DCDC1: variants seen among roughly 807,000 people sequenced by gnomAD.
DCDC1 encodes the protein doublecortin domain containing 1.
In DCDC1, 200 loss-of-function variants were observed where a neutral mutation model predicts 178.3. The ratio of observed to expected loss-of-function variants is 1.12; its 90% CI spans 1.00 to 1.26. The LOEUF (loss-of-function observed/expected upper bound fraction) is 1.26. Among genes scored for constraint, DCDC1 ranks in the 50% most tolerant of loss-of-function variants. The pLI, the probability that DCDC1 is intolerant of heterozygous loss-of-function variation, is 0.00. For missense variants in DCDC1, 1,983 were observed against 1,749.2 expected, an observed-to-expected ratio of 1.13 and a Z score of -2.38; for synonymous variants, 690 against 604.8, an observed-to-expected ratio of 1.14 and a Z score of -2.07.
intron 21 of DCDC1, among the ~76,000 whole-genome samples, chr11:30,948,832 T>C (rs1948224752): frequency 6.6e-6 from 1 of 152,122 alleles, no homozygotes; most frequent in East Asian, 1.9e-4. Context: ...ACCCCTTCCT[T>C]ACACCATATA....
chr11:31,032,852 G>A (rs938833415), intron 20 of DCDC1, among the ~76,000 whole-genome samples: 2 of 152,158 alleles, frequency 1.3e-5, no homozygotes, highest in African/African-American at 2.4e-5. Flanking sequence ...CTGCTTGCAA[G>A]TACCTCGGGA....
chr11:31,363,017 T>C (rs1951788282), intron 1 of DCDC1, among the ~76,000 whole-genome samples: 1 of 152,296 alleles, frequency 6.6e-6, no homozygotes, highest in South Asian at 2.1e-4. Context: ...ATCTGATTTT[T>C]ACTTTCATAT....
intron 20 of DCDC1, among the ~76,000 whole-genome samples, chr11:31,026,427 G>A (rs908769012): frequency 1.4e-4 from 21 of 151,778 alleles, no homozygotes; most frequent in Middle Eastern, 3.4e-3. Context: ...GATATTGTGC[G>A]GCTTTTCAAG....
intron 20 of DCDC1, among the ~76,000 whole-genome samples, chr11:31,026,528 G>C (rs184139581): frequency 6.6e-6 from 1 of 151,898 alleles, no homozygotes; most frequent in African/African-American, 2.4e-5. Flanking sequence ...AAATTAATTT[G>C]TCTGTATGAG....
intron 11 of DCDC1, among the ~76,000 whole-genome samples, chr11:31,121,630 C>T (rs1316181578): frequency 4.0e-5 from 6 of 151,514 alleles, no homozygotes; most frequent in Admixed American, 4.0e-4. Context: ...ACACCATATA[C>T]AATATGAAAA....
At chr11:31,203,467 A>G (rs1370451937) in intron 9 of DCDC1, among the ~76,000 whole-genome samples, 2 of 152,218 alleles carry the variant, frequency 1.3e-5, no homozygotes, top group African/African-American at 4.8e-5. Flanking sequence ...AGACACCTAT[A>G]TAACGGCTGC....
intron 7 of DCDC1, among the ~76,000 whole-genome samples, chr11:31,272,013 T>C (rs1945594656): frequency 6.6e-6 from 1 of 151,904 alleles, no homozygotes; most frequent in African/African-American, 2.4e-5. Flanking sequence ...AATACAAAAA[T>C]TAGCTGGGTG....
rs12280868 is a variant in DCDC1 at position 31,050,520 on chromosome 11, G to C, written c.2591+13949C>G. Reference sequence around the variant, plus strand: ...TACTACAGCTGATGCTTCCTGGAAAGCACCGTGTCCTGGCAGGAGGCCAAC... The same window carrying C: ...TACTACAGCTGATGCTTCCTGGAAACCACCGTGTCCTGGCAGGAGGCCAAC... On this transcript the variant is annotated intron_variant, in intron 20 of 38. Transcript: ENST00000684477. Among the ~76,000 whole-genome samples, 1,164 of 152,304 alleles carry C rather than the reference G, an allele frequency of 7.6e-3. 20 individuals are homozygous for C. The highest frequency in any genetic ancestry group is 0.026 in the African/African-American group (1,086 of 41,570).
chr11:30,939,367 A>G (rs1947489481), intron 21 of DCDC1, among the ~76,000 whole-genome samples: 1 of 152,190 alleles, frequency 6.6e-6, no homozygotes, highest in Admixed American at 6.5e-5. Flanking sequence ...CCAGGTTGTG[A>G]GAAACACACT....
intron 11 of DCDC1, among the ~76,000 whole-genome samples, chr11:31,113,446 C>T (rs897903169): frequency 7.4e-6 from 1 of 134,552 alleles, no homozygotes; most frequent in African/African-American, 2.7e-5. Context: ...CCCCTCCCCC[C>T]ACCCAACGAC....
At chr11:31,093,973 A>C (rs910822105) in intron 16 of DCDC1, 77 bp downstream of exon 16, 1 of 725,534 alleles carries the variant, frequency 1.4e-6, no homozygotes, top group African/African-American at 1.7e-5. Flanking sequence ...TGTGCATGAG[A>C]GCACCAGGTG....
chr11:30,975,151 A>C (rs989645327), intron 20 of DCDC1, among the ~76,000 whole-genome samples: 1 of 152,148 alleles, frequency 6.6e-6, no homozygotes, highest in African/African-American at 2.4e-5. Flanking sequence ...ACACAGAAAA[A>C]GCATTTGATA....
intron 25 of DCDC1, among the ~76,000 whole-genome samples, chr11:30,917,576 T>G (rs1028955999): frequency 1.5e-4 from 23 of 152,198 alleles, no homozygotes; most frequent in Admixed American, 1.1e-3. Flanking sequence ...ACAGAGTAAA[T>G]AGTCATAGTT....
chr11:30,989,240 T>C (rs1950838020), intron 20 of DCDC1, among the ~76,000 whole-genome samples: 1 of 152,216 alleles, frequency 6.6e-6, no homozygotes, highest in African/African-American at 2.4e-5. Context: ...GAATGCTTTG[T>C]AAGATCAAAT....
At chr11:31,137,499 G>A (rs999774707) in intron 10 of DCDC1, among the ~76,000 whole-genome samples, 193 bp downstream of exon 10, 1 of 151,758 alleles carries the variant, frequency 6.6e-6, no homozygotes, top group African/African-American at 2.4e-5. Context: ...ACAGGCGCCC[G>A]CCACCACGCC....
intron 8 of DCDC1, among the ~76,000 whole-genome samples, chr11:31,252,722 T>C (rs1166507243): frequency 1.3e-5 from 2 of 152,090 alleles, no homozygotes; most frequent in African/African-American, 2.4e-5. Flanking sequence ...AAATGATACA[T>C]ATTCAAATAT....
intron 21 of DCDC1, 125 bp from the exon 22 acceptor site, chr11:30,932,077 G>T (rs1480656206): frequency 3.7e-6 from 3 of 805,350 alleles, no homozygotes; most frequent in Non-Finnish European, 5.3e-6. Flanking sequence ...ATGTATTGGG[G>T]TACCTAAGAT....
At chr11:30,876,467 A>G (rs191702865) in intron 38 of DCDC1, among the ~76,000 whole-genome samples, 3 of 152,320 alleles carry the variant, frequency 2.0e-5, no homozygotes, top group Admixed American at 6.5e-5. Context: ...ACCCAGGGCT[A>G]GCTGTCATCT....
At chr11:30,932,615 A>G (rs1405965521) in intron 21 of DCDC1, among the ~76,000 whole-genome samples, 1 of 152,206 alleles carries the variant, frequency 6.6e-6, no homozygotes, top group Non-Finnish European at 1.5e-5. Flanking sequence ...GCAGGTCTTC[A>G]GAAACTTACC....
Sources: gnomAD v4.1 joint callset for allele counts (sites outside exome capture counted in the v4.1 genomes callset) on GRCh38, gnomAD v4.1.1 for gene constraint, MANE v1.5 for transcripts, NCBI Gene and HGNC (gene_info 2026-07-23, HGNC 2026-07-21) for gene names.